UFM1: variants seen among roughly 807,000 people sequenced by gnomAD.
UFM1 encodes ubiquitin fold modifier 1, also known as ubiquitin-fold modifier 1.
UFM1 carries 9 observed loss-of-function variants against 15.4 expected under a neutral mutation model. The ratio of observed to expected loss-of-function variants is 0.59; its 90% CI spans 0.35 to 1.02. The LOEUF (loss-of-function observed/expected upper bound fraction) is 1.02, where lower values mean the gene tolerates loss of function less well. Among genes scored for constraint, UFM1 ranks in the 50% least tolerant of loss-of-function variants. The pLI is 0.02. For missense variants in UFM1, 98 were observed against 104.7 expected (o/e 0.94, Z 0.28); for synonymous variants, 27 against 36.3 (o/e 0.74, Z 0.92).
chr13:38,359,823 C>G (rs1007676531), intron 5 of UFM1: 1 of 168,260 alleles, frequency 5.9e-6, no homozygotes, highest in African/African-American at 2.4e-5. Flanking sequence ...GTGTCCTGAC[C>G]AGGAGACAGG....
At position 38,362,122 on chromosome 13, in the gene UFM1, A is replaced by G. The variant is rs1382220963; in HGVS notation, c.*1344A>G. 5 of 152,214 alleles carry G rather than the reference A, an allele frequency of 3.3e-5. No individual in the cohort carries two copies. Among genetic ancestry groups the G allele is most frequent in the Admixed American group, 1.3e-4 (2 of 15,278 alleles). 9.4% of individuals were successfully genotyped at this position (152,214 alleles called of 1,614,324 possible). The stretch of plus-strand genomic sequence containing the variant: ...CAGTGCTTGACCTCCTGTATTCTGA[A>G]TGGTGAACTCTGGAAGCAGGGATTG... On this transcript the variant is annotated 3_prime_UTR_variant, in exon 6 of 6. Transcript: ENST00000239878.
At position 38,349,889 on chromosome 13, in the gene UFM1, T is replaced by C. The variant is rs1878731886; in HGVS notation, c.-31T>C. The C allele has an allele frequency of 6.2e-7, 1 of 1,614,076 alleles. No individual in the cohort carries two copies. The highest frequency in any genetic ancestry group is 2.2e-5 in the East Asian group (1 of 44,840). On this transcript the variant is annotated 5_prime_UTR_variant, in exon 1 of 6. Coordinates refer to ENST00000239878, the MANE Select transcript of UFM1 (RefSeq NM_016617.4). ...AAGTCGTGCTACCCCCGCGGAGTTG[T>C]CGTGTGTTCTGGATTCATTCCGGCA...
At chr13:38,357,612 T>G (rs1275247375) in intron 3 of UFM1, among the ~76,000 whole-genome samples, 1 of 151,866 alleles carries the variant, frequency 6.6e-6, no homozygotes, top group Non-Finnish European at 1.5e-5. Flanking sequence ...AAAATCTGCA[T>G]AAAACTTTTT....
chr13:38,350,005 G>A lies in UFM1; in HGVS notation c.9G>A (p.Lys3=). Residue 3 remains lysine, a synonymous_variant, in exon 2 of 6, where the codon AAG becomes AAA. Transcript: ENST00000239878. ...CTCCCGCTCTTTTCCTCAGGTCGAA[G>A]GTTTCCTTTAAGATCACGCTGACGT... The part of the protein sequence containing the change: MS[K]VSFKITLTSD... 1 of 1,614,224 alleles carries A rather than the reference G, an allele frequency of 6.2e-7. No individual in the cohort carries two copies. Among genetic ancestry groups the A allele is most frequent in the Non-Finnish European group, 8.5e-7 (1 of 1,180,048 alleles).
intron 3 of UFM1, among the ~76,000 whole-genome samples, chr13:38,357,536 T>C (rs1394672956): frequency 1.3e-5 from 2 of 150,960 alleles, no homozygotes; most frequent in East Asian, 3.9e-4. Flanking sequence ...AGATAAAGCA[T>C]ATGATATAGT....
intron 2 of UFM1, chr13:38,350,356 C>T: frequency 2.1e-6 from 2 of 974,540 alleles, no homozygotes; most frequent in East Asian, 2.6e-5. Flanking sequence ...GACAGGTGGA[C>T]CAGGTTCTGG....
At position 38,356,272 on chromosome 13, in the gene UFM1, T is replaced by C. The variant is rs577400547; in HGVS notation, c.118-1821T>C. Among the ~76,000 whole-genome samples the C allele has an allele frequency of 4.6e-5, 7 of 152,012 alleles. No homozygotes were observed. The East Asian group carries it at 1.4e-3, about 29-fold the overall frequency. On this transcript the variant is annotated intron_variant, in intron 3 of 5. Transcript: ENST00000239878. Reference sequence around the variant, plus strand: ...AGATTATCTTAAAATGGGCATGATGTAAAAGACTCAATCAGTAGGGTAACT... The same window carrying C: ...AGATTATCTTAAAATGGGCATGATGCAAAAGACTCAATCAGTAGGGTAACT...
chr13:38,351,394 T>A (rs1425253281), intron 2 of UFM1, among the ~76,000 whole-genome samples: 3 of 151,746 alleles, frequency 2.0e-5, no homozygotes, highest in African/African-American at 7.3e-5. Context: ...CAGAAAAGAT[T>A]GTTTAAAAAT....
At chr13:38,350,197 G>C (rs1456638721) in intron 2 of UFM1, 142 bp downstream of exon 2, 1 of 1,613,174 alleles carries the variant, frequency 6.2e-7, no homozygotes, top group Admixed American at 1.7e-5. Flanking sequence ...GCCCTTCCAG[G>C]AGCCTTTCCC....
At chr13:38,357,868 G>A (rs1331724681) in intron 3 of UFM1, among the ~76,000 whole-genome samples, 1 of 151,808 alleles carries the variant, frequency 6.6e-6, no homozygotes, top group African/African-American at 2.4e-5. Flanking sequence ...GAAGAGGAAG[G>A]GTTGGTCTTG....
At chr13:38,360,561 TAAA>T (rs911370784) in intron 5 of UFM1, 147 bp from the exon 6 acceptor site, 19 of 546,542 alleles carry the variant, frequency 3.5e-5, no homozygotes, top group Middle Eastern at 9.6e-4. Flanking sequence ...GAACAAGACT[TAAA>T]AAGCTTGGAA....
At chr13:38,351,148 C>T (rs1281434096) in intron 2 of UFM1, among the ~76,000 whole-genome samples, 1 of 152,190 alleles carries the variant, frequency 6.6e-6, no homozygotes, top group Non-Finnish European at 1.5e-5. Context: ...CATTGGTCCA[C>T]CTTTAAATCA....
At chr13:38,356,701 C>CAAAA (rs35105286) in intron 3 of UFM1, among the ~76,000 whole-genome samples, 5 of 107,880 alleles carry the variant, frequency 4.6e-5, no homozygotes, top group South Asian at 3.3e-4. Flanking sequence ...TTAGTACCAC[C>CAAAA]AAAAAAAAAA....
rs747068370 is a variant in UFM1 at position 38,361,019 on chromosome 13, A to C, written c.*241A>C. 2.9e-5 allele frequency: 10 copies of C among 346,422 alleles called. No individual in the cohort carries two copies. The highest frequency in any genetic ancestry group is 5.2e-5 in the Non-Finnish European group (10 of 192,262). 21.5% of individuals were successfully genotyped at this position (346,422 alleles called of 1,614,324 possible). On this transcript the variant is annotated 3_prime_UTR_variant, in exon 6 of 6. Transcript: ENST00000239878. ...TCTTTGATGCTACCTCACAACACAA[A>C]CAGGTAGTTCGTTGGGGGCAAATGA...
At chr13:38,350,088 G>C (rs1878755797) in intron 2 of UFM1, 33 bp downstream of exon 2, 3 of 1,614,090 alleles carry the variant, frequency 1.9e-6, no homozygotes, top group Non-Finnish European at 2.5e-6. Context: ...GCCTTTTGGG[G>C]CCGGACAAGA....
rs762040038 is a variant in UFM1 at position 38,360,826 on chromosome 13, A to G, written c.*48A>G. 6.7e-7 allele frequency: 1 copy of G among 1,491,652 alleles called. No homozygotes were observed. The highest frequency in any genetic ancestry group is 1.4e-5 in the African/African-American group (1 of 72,044). The allele number at this position is 1,491,652 out of a possible 1,614,324, so 92.4% of individuals were successfully genotyped here. A position where few individuals can be genotyped will look rare whatever the true frequency, so the allele number is the denominator to read the frequency against. On this transcript the variant is annotated 3_prime_UTR_variant, in exon 6 of 6. Coordinates refer to ENST00000239878, the MANE Select transcript of UFM1 (RefSeq NM_016617.4). ...ATTGCCTTTCAGAATAAATATTGGT[A>G]TTTTTTGTTGTTGTAAAATTGAAAT... is the stretch of plus-strand genomic sequence containing the variant.
In UFM1 at chr13:38,360,956, G is replaced by A. The variant is rs944254939; in HGVS notation, c.*178G>A. The A allele has an allele frequency of 1.2e-4, 62 of 501,754 alleles. No individual in the cohort carries two copies. The highest frequency in any genetic ancestry group is 5.2e-4 in the East Asian group (16 of 30,854). 31.1% of individuals were successfully genotyped at this position (501,754 alleles called of 1,614,324 possible). On this transcript the variant is annotated 3_prime_UTR_variant, in exon 6 of 6. Coordinates refer to ENST00000239878, the MANE Select transcript of UFM1 (RefSeq NM_016617.4). The stretch of plus-strand genomic sequence containing the variant: ...TACTCTTCCTATGAAGAGGGAATGC[G>A]TATGAATTAAGGCTACTACTGTCAC...
Position 38,349,862 on chromosome 13 carries a change from G to A in UFM1, c.-58G>A. ...GCGGGGCGGTCCCCAGCACACTAGA[G>A]GAAGTCGTGCTACCCCCGCGGAGTT... is the stretch of plus-strand genomic sequence containing the variant. On this transcript the variant is annotated 5_prime_UTR_variant, in exon 1 of 6. Coordinates refer to ENST00000239878, the MANE Select transcript of UFM1 (RefSeq NM_016617.4). The A allele has an allele frequency of 1.9e-6, 3 of 1,613,810 alleles. No homozygotes were observed. Among genetic ancestry groups the A allele is most frequent in the East Asian group, 4.5e-5 (2 of 44,848 alleles).
In UFM1 at chr13:38,361,287, T is replaced by G. The variant is rs1879373672; in HGVS notation, c.*509T>G. 1 of 151,688 alleles carries G rather than the reference T, an allele frequency of 6.6e-6. No individual in the cohort carries two copies. Among genetic ancestry groups the G allele is most frequent in the African/African-American group, 2.4e-5 (1 of 40,962 alleles). 9.4% of individuals were successfully genotyped at this position (151,688 alleles called of 1,614,324 possible). On this transcript the variant is annotated 3_prime_UTR_variant, in exon 6 of 6. Transcript: ENST00000239878. ...GTGAACAGTTAACTATATTAAATTT[T>G]TATCATTTACTTTTTTTAAGATTCA...
Sources: gnomAD v4.1 joint callset for allele counts (sites outside exome capture counted in the v4.1 genomes callset) on GRCh38, gnomAD v4.1.1 for gene constraint, MANE v1.5 for transcripts, NCBI Gene and HGNC (gene_info 2026-07-23, HGNC 2026-07-21) for gene names.